DLEC1: variants seen among roughly 807,000 people sequenced by gnomAD.
DLEC1 encodes DLEC1 cilia and flagella associated protein, also known as deleted in lung and esophageal cancer protein 1.
A neutral mutation model predicts 198.1 loss-of-function variants in DLEC1; 146 were observed. The ratio of observed to expected loss-of-function variants is 0.74; its 90% CI spans 0.64 to 0.85. The LOEUF is 0.85. Among genes scored for constraint, DLEC1 ranks in the 40% least tolerant of loss-of-function variants. DLEC1 has a pLI of 0.00. For synonymous variants in DLEC1, 897 were observed against 866.8 expected (o/e 1.03, Z -0.61); for missense variants, 2,233 against 2,220.0 (o/e 1.01, Z -0.12).
intron 19 of DLEC1, chr3:38,103,839 C>G (rs1474018004): frequency 6.6e-6 from 1 of 152,162 alleles, no homozygotes; most frequent in African/African-American, 2.4e-5. Flanking sequence ...GTAGAGCAGT[C>G]AAAATGCACA....
intron 19 of DLEC1, among the ~76,000 whole-genome samples, chr3:38,101,577 AC>A (rs1313671452): frequency 1.3e-5 from 2 of 152,134 alleles, no homozygotes; most frequent in African/African-American, 4.8e-5. Flanking sequence ...CATTGTAAAA[AC>A]ATTTAAATGC....
chr3:38,107,269 C>G (rs1345367317), intron 19 of DLEC1, among the ~76,000 whole-genome samples: 1 of 152,166 alleles, frequency 6.6e-6, no homozygotes, highest in Non-Finnish European at 1.5e-5. Flanking sequence ...AAATAAGCCA[C>G]TTTGAAATAA....
intron 1 of DLEC1, among the ~76,000 whole-genome samples, chr3:38,042,457 A>C (rs1166579234): frequency 1.3e-5 from 2 of 152,078 alleles, no homozygotes; most frequent in Admixed American, 6.5e-5. Flanking sequence ...ATATTGTCTG[A>C]ATTTTGCAAT....
At position 38,123,395 on chromosome 3, in the gene DLEC1, C is replaced by T. The variant is rs758405165; in HGVS notation, c.*983C>T. The T allele has an allele frequency of 7.3e-6, 3 of 411,178 alleles. No homozygotes were observed. The highest frequency in any genetic ancestry group is 1.3e-5 in the Non-Finnish European group (3 of 227,390). The allele number at this position is 411,178 out of a possible 1,614,324, so 25.5% of individuals were successfully genotyped here. ...GTGTTTCTGTGTGCATGTTCCCCTC[C>T]CCAGGGATCGATCATAATCCCAAAA... On this transcript the variant is annotated 3_prime_UTR_variant, in exon 37 of 37. Coordinates refer to ENST00000308059, the MANE Select transcript of DLEC1 (RefSeq NM_007335.4).
chr3:38,112,105 T>G lies in DLEC1; in HGVS notation c.3515-105T>G. The G allele has an allele frequency of 6.5e-7, 1 of 1,542,100 alleles. No individual in the cohort carries two copies. Among genetic ancestry groups the G allele is most frequent in the South Asian group, 1.2e-5 (1 of 81,646 alleles). Reference sequence around the variant, plus strand: ...ACATGTAGCCTGACCAAGGAGAGGCTGGAGGGTGGCTTATCGGGGACAGTG... The same window carrying G: ...ACATGTAGCCTGACCAAGGAGAGGCGGGAGGGTGGCTTATCGGGGACAGTG... On this transcript the variant is annotated intron_variant, in intron 24 of 36. Coordinates refer to ENST00000308059, the MANE Select transcript of DLEC1 (RefSeq NM_007335.4). This position sits in a 1 kb window ranked among gnomAD's most constrained non-coding sequence, Gnocchi z 4.8.
intron 6 of DLEC1, among the ~76,000 whole-genome samples, chr3:38,065,441 T>C (rs9840792): frequency 0.41 from 62,551 of 151,766 alleles, 13,411 homozygotes; most frequent in East Asian, 0.6. Context: ...CGGAAATTTT[T>C]AACTGTACAC....
At chr3:38,083,897 C>G (rs146841215) in intron 6 of DLEC1, among the ~76,000 whole-genome samples, 3 of 151,846 alleles carry the variant, frequency 2.0e-5, no homozygotes, top group African/African-American at 4.8e-5. Flanking sequence ...CCCAAAGTGC[C>G]GGGATTACAG....
At chr3:38,069,384 T>G (rs1332877121) in intron 6 of DLEC1, among the ~76,000 whole-genome samples, 1 of 152,156 alleles carries the variant, frequency 6.6e-6, no homozygotes, top group African/African-American at 2.4e-5. Context: ...TATTAGGTAA[T>G]AAGCCTAATT....
rs112526608 is a variant in DLEC1 at position 38,065,866 on chromosome 3, C to G, written c.1173+1947C>G. On this transcript the variant is annotated intron_variant, in intron 6 of 36. Coordinates refer to ENST00000308059, the MANE Select transcript of DLEC1 (RefSeq NM_007335.4). ...ATTCTCCTTTAGTTGATAATAATTC[C>G]TCTCCCACCTCCTGCTTTTTAAAAA... Among the ~76,000 whole-genome samples the G allele has an allele frequency of 8.4e-3, 1,277 of 152,190 alleles. 25 individuals are homozygous for G. The highest frequency in any genetic ancestry group is 0.03 in the African/African-American group (1,229 of 41,506).
chr3:38,093,781 G>C lies in DLEC1; in HGVS notation c.1919+14G>C, dbSNP rs1213579007. The C allele has an allele frequency of 1.1e-5, 18 of 1,613,194 alleles. No individual in the cohort carries two copies. The highest frequency in any genetic ancestry group is 1.4e-5 in the Non-Finnish European group (16 of 1,179,842). On this transcript the variant is annotated intron_variant, in intron 12 of 36. Transcript: ENST00000308059. The stretch of plus-strand genomic sequence containing the variant: ...TAGAAATGCTACGTGGGTAACCCCT[G>C]TGTGTGCCCCAATACCCAACCCTTC...
At chr3:38,073,234 C>G (rs552017267) in intron 6 of DLEC1, among the ~76,000 whole-genome samples, 1 of 152,278 alleles carries the variant, frequency 6.6e-6, no homozygotes, top group East Asian at 1.9e-4. Flanking sequence ...GGATGGATGG[C>G]AAAACAATTT....
Position 38,095,048 on chromosome 3 carries a change from A to G in DLEC1, c.2089A>G (p.Ile697Val). 1 of 1,614,182 alleles carries G rather than the reference A, an allele frequency of 6.2e-7. No homozygotes were observed. The highest frequency in any genetic ancestry group is 8.5e-7 in the Non-Finnish European group (1 of 1,180,028). The change falls in exon 13 of 37, where the codon ATC (isoleucine) becomes GTC (valine). Residue 697 changes from isoleucine (I) to valine (V), a missense_variant. Ile to Val is a conservative substitution (Grantham distance 29, BLOSUM62 3). Transcript: ENST00000308059. The stretch of plus-strand genomic sequence containing the variant: ...AAGCCCCCACACAGACCACGAGTTC[A>G]TCCTGAGCTTTTCTCCTCATGAGGT... ...VLSPHTDHEF[I>V]LSFSPHELRD...
At chr3:38,097,304 G>T in intron 16 of DLEC1, 29 bp downstream of exon 16, 1 of 1,560,970 alleles carries the variant, frequency 6.4e-7, no homozygotes, top group South Asian at 1.2e-5. Context: ...GAGGGGTTGT[G>T]ACCTGCCTGG....
chr3:38,052,378 T>A (rs1198943422), intron 2 of DLEC1: 1 of 295,870 alleles, frequency 3.4e-6, no homozygotes, highest in Non-Finnish European at 6.9e-6. Context: ...TAGCTTTGAA[T>A]GTTGCTGGAA....
intron 6 of DLEC1, among the ~76,000 whole-genome samples, chr3:38,069,287 T>C (rs1306143905): frequency 6.6e-6 from 1 of 152,192 alleles, no homozygotes; most frequent in African/African-American, 2.4e-5. Flanking sequence ...CAGATCATTT[T>C]GCAGGCACAG....
At chr3:38,057,691 G>A (rs118066695) in intron 2 of DLEC1, among the ~76,000 whole-genome samples, 1 of 152,282 alleles carries the variant, frequency 6.6e-6, no homozygotes, top group East Asian at 1.9e-4. Context: ...TGATACATAC[G>A]TACTCTAGTG....
chr3:38,099,476 C>T (rs529029695), intron 18 of DLEC1, among the ~76,000 whole-genome samples: 2 of 152,112 alleles, frequency 1.3e-5, no homozygotes, highest in Admixed American at 1.3e-4. Flanking sequence ...TTTGAGCTCT[C>T]AAAAATAATG....
intron 34 of DLEC1, 36 bp from the exon 35 acceptor site, chr3:38,121,592 C>T: frequency 3.1e-6 from 5 of 1,599,736 alleles, no homozygotes; most frequent in Non-Finnish European, 3.4e-6. Context: ...GCTCAGAGCC[C>T]ACCCAGAATG....
chr3:38,067,646 A>G lies in DLEC1; in HGVS notation c.1173+3727A>G, dbSNP rs191316045. On this transcript the variant is annotated intron_variant, in intron 6 of 36. Coordinates refer to ENST00000308059, the MANE Select transcript of DLEC1 (RefSeq NM_007335.4). The stretch of plus-strand genomic sequence containing the variant: ...AGATAGAGAGCTGAGGCTGTCTACC[A>G]GAATGTCTACACCACATAGCTTCTC... Among the ~76,000 whole-genome samples, 403 of 152,274 alleles carry G rather than the reference A, an allele frequency of 2.6e-3. 4 individuals carry two copies. Among genetic ancestry groups the G allele is most frequent in the East Asian group, 6.2e-3 (32 of 5,184 alleles).
Sources: allele counts gnomAD v4.1 joint callset (sites outside exome capture counted in the v4.1 genomes callset), GRCh38; gene constraint gnomAD v4.1.1; non-coding constraint Gnocchi (gnomAD v3.1); transcripts MANE v1.5; gene names NCBI Gene and HGNC (gene_info 2026-07-23, HGNC 2026-07-21).